The following NBAS variants were observed in gnomAD, a reference collection of about 807,000 sequenced individuals.
NBAS encodes NBAS subunit of NRZ tethering complex.
A neutral mutation model predicts 302.5 loss-of-function variants in NBAS; 219 were observed. That is an observed-to-expected ratio of 0.72 (90% CI 0.65 to 0.81). The LOEUF (loss-of-function observed/expected upper bound fraction) is 0.81. Ranked by LOEUF, NBAS falls within the 30% of genes least tolerant of loss-of-function variation. NBAS has a pLI of 0.00. For synonymous variants in NBAS, 1,118 were observed against 1,021.6 expected (o/e 1.09, Z -1.80); for missense variants, 2,932 against 2,841.6 (o/e 1.03, Z -0.72).
the NBAS span, among the ~76,000 whole-genome samples, chr2:14,811,103 G>A: frequency 1.6e-4 from 25 of 152,134 alleles, no homozygotes; most frequent in Admixed American, 1.6e-3. Flanking sequence ...TTTTAAACAG[G>A]AAAATAAAAG....
chr2:15,438,904 T>A (rs953472831), intron 21 of NBAS, among the ~76,000 whole-genome samples: 10 of 152,256 alleles, frequency 6.6e-5, no homozygotes, highest in Middle Eastern at 3.4e-3. Flanking sequence ...GGACCTCACA[T>A]AGGGCCAGGA....
At chr2:15,187,032 A>G in intron 49 of NBAS, 152 bp from the exon 50 acceptor site, 4 of 1,160,772 alleles carry the variant, frequency 3.4e-6, no homozygotes, top group Non-Finnish European at 5.0e-6. Flanking sequence ...AAAAGATAAC[A>G]CCTTAAGGAG....
At chr2:14,914,782 G>A in the NBAS span, among the ~76,000 whole-genome samples, 3 of 152,284 alleles carry the variant, frequency 2.0e-5, no homozygotes, top group East Asian at 1.9e-4. Context: ...TGAGATAAGC[G>A]ATTCAGAAGG....
At chr2:15,186,131 T>A (rs1370367997) in intron 50 of NBAS, among the ~76,000 whole-genome samples, 1 of 150,062 alleles carries the variant, frequency 6.7e-6, no homozygotes, top group Non-Finnish European at 1.5e-5. Flanking sequence ...TATGTGTGTA[T>A]ATATATATAT....
the NBAS span, among the ~76,000 whole-genome samples, chr2:14,855,461 T>A: frequency 8.6e-5 from 13 of 151,964 alleles, no homozygotes; most frequent in Admixed American, 7.2e-4. Context: ...CCAAGTGGGC[T>A]CTTGGGGGTG....
chr2:14,994,145 C>T, the NBAS span, among the ~76,000 whole-genome samples: 2 of 152,208 alleles, frequency 1.3e-5, no homozygotes, highest in African/African-American at 2.4e-5. Context: ...CTTTTACATT[C>T]CAGCAACATA....
At chr2:15,114,770 T>C in the NBAS span, among the ~76,000 whole-genome samples, 40 of 152,356 alleles carry the variant, frequency 2.6e-4, no homozygotes, top group African/African-American at 9.6e-4. Flanking sequence ...AGGGCAATCC[T>C]CTTCTAGTTC....
rs778851481 is a variant in NBAS at position 15,467,806 on chromosome 2, T to C, written c.1878-2A>G. 1 of 1,581,432 alleles carries C rather than the reference T, an allele frequency of 6.3e-7. No individual in the cohort carries two copies. The highest frequency in any genetic ancestry group is 8.7e-7 in the Non-Finnish European group (1 of 1,151,786). Reference sequence around the variant, plus strand: ...TCTATTTCACCAGGTAATGTAAATCTGCAAGTATAAAAGAACAAATATATT... The same window carrying C: ...TCTATTTCACCAGGTAATGTAAATCCGCAAGTATAAAAGAACAAATATATT... On this transcript the variant is annotated splice_acceptor_variant, in intron 17 of 51. Transcript: ENST00000281513. LOFTEE classifies it high-confidence loss of function.
intron 36 of NBAS, among the ~76,000 whole-genome samples, chr2:15,330,098 G>T (rs934722943): frequency 6.6e-6 from 1 of 152,146 alleles, no homozygotes; most frequent in Non-Finnish European, 1.5e-5. Flanking sequence ...GAGGTGAACT[G>T]CTAATAGTTG....
intron 48 of NBAS, among the ~76,000 whole-genome samples, chr2:15,199,233 G>T (rs1477712603): frequency 6.6e-6 from 1 of 151,412 alleles, no homozygotes; most frequent in Non-Finnish European, 1.5e-5. Context: ...AGGAAATATT[G>T]CCCTAAGATC....
chr2:15,093,083 A>G, the NBAS span, among the ~76,000 whole-genome samples: 2 of 152,094 alleles, frequency 1.3e-5, no homozygotes, highest in Non-Finnish European at 1.5e-5. Context: ...TGCAATCTCA[A>G]TGACTGCTTA....
the NBAS span, among the ~76,000 whole-genome samples, chr2:14,989,795 A>G: frequency 3.3e-5 from 5 of 152,204 alleles, no homozygotes; most frequent in African/African-American, 1.2e-4. Context: ...TGGGTAATAC[A>G]TATGCAAAAT....
chr2:15,522,331 T>C (rs950513616), intron 9 of NBAS, among the ~76,000 whole-genome samples: 17 of 151,620 alleles, frequency 1.1e-4, no homozygotes, highest in East Asian at 5.8e-4. Context: ...AGATCATGAG[T>C]TGAGAATTAT....
the NBAS span, among the ~76,000 whole-genome samples, chr2:15,078,978 A>G: frequency 9.9e-5 from 15 of 152,150 alleles, no homozygotes; most frequent in Admixed American, 9.8e-4. Flanking sequence ...GCAATTTGAT[A>G]TGATGATCAA....
At chr2:15,232,365 T>C in intron 47 of NBAS, 57 bp downstream of exon 47, 1 of 1,523,620 alleles carries the variant, frequency 6.6e-7, no homozygotes, top group South Asian at 1.1e-5. Context: ...CTAAGAGCAA[T>C]TCTAATACTC....
At chr2:15,526,982 C>G (rs1216930090) in intron 9 of NBAS, among the ~76,000 whole-genome samples, 1 of 151,352 alleles carries the variant, frequency 6.6e-6, no homozygotes, top group African/African-American at 2.4e-5. Context: ...AAAAAGAAAT[C>G]AAATATTGAC....
chr2:15,177,760 T>C (rs1664619377), intron 51 of NBAS, among the ~76,000 whole-genome samples: 1 of 152,184 alleles, frequency 6.6e-6, no homozygotes, highest in Non-Finnish European at 1.5e-5. Context: ...TCCAAGTTAT[T>C]CAACTTTCAT....
At chr2:14,828,615 A>AG in the NBAS span, among the ~76,000 whole-genome samples, 1 of 152,214 alleles carries the variant, frequency 6.6e-6, no homozygotes, top group East Asian at 1.9e-4. Context: ...TGCAAAAAAA[A>AG]TAAATTCTAT....
chr2:15,020,292 TTGAG>T, the NBAS span, among the ~76,000 whole-genome samples: 4 of 152,332 alleles, frequency 2.6e-5, no homozygotes, highest in African/African-American at 9.6e-5. Flanking sequence ...CATAGAATTT[TTGAG>T]TGAGAATTTA....
Sources: gnomAD v4.1 joint callset for allele counts (sites outside exome capture counted in the v4.1 genomes callset) on GRCh38, gnomAD v4.1.1 for gene constraint, MANE v1.5 for transcripts, NCBI Gene and HGNC (gene_info 2026-07-23, HGNC 2026-07-21) for gene names.